The following SRGAP1 variants were observed in gnomAD, a reference collection of about 807,000 sequenced individuals.
SRGAP1 encodes the protein SLIT-ROBO Rho GTPase-activating protein 1.
SRGAP1 carries 43 observed loss-of-function variants against 121.9 expected under a neutral mutation model. The ratio of observed to expected loss-of-function variants is 0.35; its 90% CI spans 0.28 to 0.46. SRGAP1 has a LOEUF of 0.46. SRGAP1 is among the 20% of genes least tolerant of loss of function. The probability of loss-of-function intolerance (pLI) is 1.00; values close to 1 mark genes in which losing one functional copy is unlikely to be tolerated. For synonymous variants in SRGAP1, 447 were observed against 485.4 expected (o/e 0.92, Z 1.04); for missense variants, 1,102 against 1,350.9 (o/e 0.82, Z 2.89).
chr12:63,847,406 A>C (rs575579325), intron 1 of SRGAP1, among the ~76,000 whole-genome samples: 1 of 152,296 alleles, frequency 6.6e-6, no homozygotes, highest in Admixed American at 6.5e-5. Context: ...CTGATGATAA[A>C]AAAAAATTCT....
intron 9 of SRGAP1, 118 bp downstream of exon 9, chr12:64,079,234 T>A: frequency 9.4e-7 from 1 of 1,068,126 alleles, no homozygotes; most frequent in Non-Finnish European, 1.3e-6. Context: ...GACTCCTGTC[T>A]ACCATCAGAG....
chr12:63,864,737 A>G (rs533101507), intron 1 of SRGAP1, among the ~76,000 whole-genome samples: 1 of 152,184 alleles, frequency 6.6e-6, no homozygotes, highest in Non-Finnish European at 1.5e-5. Flanking sequence ...AGAGGAGCCT[A>G]AGGAGTACAT....
chr12:63,990,896 G>C (rs1453537562), intron 3 of SRGAP1, among the ~76,000 whole-genome samples: 2 of 152,182 alleles, frequency 1.3e-5, no homozygotes, highest in East Asian at 3.9e-4. Context: ...AGAGCGACAT[G>C]AAGAAAATTT....
intron 3 of SRGAP1, among the ~76,000 whole-genome samples, chr12:64,010,865 G>T (rs1565637428): frequency 1.3e-5 from 2 of 151,492 alleles, no homozygotes; most frequent in African/African-American, 2.4e-5. Context: ...GCACTTCAAC[G>T]TTAGAGTTTG....
chr12:64,095,088 G>A, intron 13 of SRGAP1, 39 bp from the exon 14 acceptor site: 2 of 1,609,944 alleles, frequency 1.2e-6, no homozygotes, highest in Non-Finnish European at 1.7e-6. Context: ...TAGACAATGT[G>A]ATGGGGGTTT....
At chr12:63,935,551 A>T (rs1278278009) in intron 1 of SRGAP1, among the ~76,000 whole-genome samples, 1 of 152,228 alleles carries the variant, frequency 6.6e-6, no homozygotes, top group African/African-American at 2.4e-5. Context: ...GGCTTCAATT[A>T]TAAGTATAAA....
chr12:63,989,728 C>T (rs967035204), intron 2 of SRGAP1, among the ~76,000 whole-genome samples, 182 bp from the exon 3 acceptor site: 9 of 152,222 alleles, frequency 5.9e-5, no homozygotes, highest in Admixed American at 2.6e-4. Context: ...GGCTCTATGC[C>T]ATCCACAGGC....
chr12:63,900,409 G>T (rs1313713471), intron 1 of SRGAP1, among the ~76,000 whole-genome samples: 1 of 151,564 alleles, frequency 6.6e-6, no homozygotes, highest in Non-Finnish European at 1.5e-5. Context: ...GTTTCACTGT[G>T]TTAGCCAGAT....
In SRGAP1 at chr12:63,924,815, T is replaced by A. The variant is rs73317323; in HGVS notation, c.68-59132T>A. Among the ~76,000 whole-genome samples, 710 of 152,282 alleles carry A rather than the reference T, an allele frequency of 4.7e-3. 6 individuals are homozygous for A. The highest frequency in any genetic ancestry group is 0.016 in the African/African-American group (683 of 41,556). The stretch of plus-strand genomic sequence containing the variant: ...GGATGTGAAATAAAATGTGTGAGTG[T>A]CTCCAAGAGAGTTCTCACCTTTAGG... On this transcript the variant is annotated intron_variant, in intron 1 of 21. Transcript: ENST00000355086.
At position 64,111,953 on chromosome 12, in the gene SRGAP1, T is replaced by G. The variant is rs772640170; in HGVS notation, c.2111T>G (p.Val704Gly). The change falls in exon 17 of 22, where the codon GTT becomes GGT. Residue 704 changes from valine to glycine, a missense_variant. By Grantham distance (109) the Val-to-Gly change is moderately radical. Coordinates refer to ENST00000355086, the MANE Select transcript of SRGAP1 (RefSeq NM_020762.4). The part of the protein sequence containing the change: ...FPDAKELDGP[V>G]YEKCMAGDDY... ...GATGCTAAAGAGCTGGATGGCCCTG[T>G]TTATGAGAAATGTATGGCTGGAGAT... The G allele has an allele frequency of 6.4e-5, 103 of 1,613,800 alleles. No individual in the cohort carries two copies. Among genetic ancestry groups the G allele is most frequent in the Non-Finnish European group, 8.0e-5 (94 of 1,179,904 alleles).
chr12:63,893,979 C>A (rs969368195), intron 1 of SRGAP1, among the ~76,000 whole-genome samples: 1 of 152,206 alleles, frequency 6.6e-6, no homozygotes, highest in Admixed American at 6.5e-5. Flanking sequence ...GCTGGGACTA[C>A]AGGCATCCGC....
intron 1 of SRGAP1, among the ~76,000 whole-genome samples, chr12:63,904,202 C>G (rs1053654828): frequency 1.3e-5 from 2 of 151,788 alleles, no homozygotes; most frequent in African/African-American, 4.8e-5. Context: ...AGTAATACAA[C>G]TCCCCAAGTT....
At position 64,078,966 on chromosome 12, in the gene SRGAP1, C is replaced by G; in HGVS notation, c.1173C>G (p.Val391=). The change falls in exon 9 of 22, where the codon GTC becomes GTG. Residue 391 remains valine, a synonymous_variant. Coordinates refer to ENST00000355086, the MANE Select transcript of SRGAP1 (RefSeq NM_020762.4). ...CCTTGCAGACGATACAAGATATGGT[C>G]ACCATCGAGGACTATGATGTTTCTG... is the stretch of plus-strand genomic sequence containing the variant. The part of the protein sequence containing the change: ...EATLQTIQDM[V]TIEDYDVSEC... 5 of 1,614,060 alleles carry G rather than the reference C, an allele frequency of 3.1e-6. No individual in the cohort carries two copies. Among genetic ancestry groups the G allele is most frequent in the Non-Finnish European group, 4.2e-6 (5 of 1,179,984 alleles).
chr12:64,068,492 G>A (rs1484075382), intron 8 of SRGAP1, among the ~76,000 whole-genome samples: 1 of 149,786 alleles, frequency 6.7e-6, no homozygotes, highest in Non-Finnish European at 1.5e-5. Flanking sequence ...TAACCACCGT[G>A]CCCGGCTGAT....
At chr12:64,007,770 C>A (rs1362636051) in intron 3 of SRGAP1, among the ~76,000 whole-genome samples, 1 of 152,138 alleles carries the variant, frequency 6.6e-6, no homozygotes, top group Non-Finnish European at 1.5e-5. Flanking sequence ...AGTCTGAAGT[C>A]AGCAAGGCTA....
intron 21 of SRGAP1, among the ~76,000 whole-genome samples, chr12:64,130,303 T>G (rs2036764880): frequency 1.3e-5 from 2 of 152,158 alleles, no homozygotes; most frequent in Non-Finnish European, 2.9e-5. Context: ...GGTGGCAATC[T>G]TAACTCAATG....
At chr12:63,923,837 A>G (rs1267153156) in intron 1 of SRGAP1, among the ~76,000 whole-genome samples, 1 of 152,236 alleles carries the variant, frequency 6.6e-6, no homozygotes. Flanking sequence ...ATAACTTGAT[A>G]TGTGAACAAA....
chr12:64,080,189 G>C, intron 9 of SRGAP1, 97 bp from the exon 10 acceptor site: 3 of 956,380 alleles, frequency 3.1e-6, no homozygotes, highest in Non-Finnish European at 4.6e-6. Context: ...GTTGCAGTGA[G>C]CCAAGATCGC....
chr12:64,000,032 T>A (rs147990906), intron 3 of SRGAP1, among the ~76,000 whole-genome samples: 1 of 152,068 alleles, frequency 6.6e-6, no homozygotes, highest in East Asian at 1.9e-4. Flanking sequence ...GAGGGAGTGG[T>A]CAATATGCAA....
Sources: gnomAD v4.1 joint callset for allele counts (sites outside exome capture counted in the v4.1 genomes callset) on GRCh38, gnomAD v4.1.1 for gene constraint, MANE v1.5 for transcripts, NCBI Gene and HGNC (gene_info 2026-07-23, HGNC 2026-07-21) for gene names.